Variants in PDXDC1 observed in about 807,000 individuals in gnomAD.
PDXDC1 encodes the protein pyridoxal dependent decarboxylase domain containing 1, also known as pyridoxal-dependent decarboxylase domain-containing protein 1.
A neutral mutation model predicts 100.1 loss-of-function variants in PDXDC1; 42 were observed. The observed-to-expected ratio is 0.42, with a 90% CI of 0.33 to 0.54. The LOEUF is 0.54. Ranked by LOEUF, PDXDC1 falls within the 20% of genes least tolerant of loss-of-function variation. The probability of loss-of-function intolerance (pLI) is 0.10; values close to 1 mark genes in which losing one functional copy is unlikely to be tolerated. For synonymous variants in PDXDC1, 260 were observed against 371.7 expected (o/e 0.70, Z 3.46); for missense variants, 636 against 979.2 (o/e 0.65, Z 4.68).
chr16:15,074,748 G>A (rs1405847977), intron 16 of PDXDC1: 7 of 1,613,936 alleles, frequency 4.3e-6, no homozygotes, highest in Admixed American at 1.7e-5. Context: ...CATCCTTCAT[G>A]TAGGACAAAA....
chr16:15,111,015 G>C lies in PDXDC1; in HGVS notation c.1400-27864G>C, dbSNP rs539423137. The stretch of plus-strand genomic sequence containing the variant: ...ATGGCAGTGGGCGCCTGTAATCCGA[G>C]CTACTCGGGAGGCTGAGGCAGAGAA... On this transcript the variant is annotated intron_variant, in intron 16 of 16. Transcript: ENST00000535621. Among the ~76,000 whole-genome samples, 12 of 148,684 alleles carry C rather than the reference G, an allele frequency of 8.1e-5. 1 individual carries two copies. Among genetic ancestry groups the C allele is most frequent in the Non-Finnish European group, 1.4e-4 (9 of 66,528 alleles).
chr16:15,087,916 A>G (rs545645654), intron 16 of PDXDC1, among the ~76,000 whole-genome samples: 1 of 152,134 alleles, frequency 6.6e-6, no homozygotes, highest in Non-Finnish European at 1.5e-5. Context: ...GGAGTTCGAG[A>G]TGAGCCTAAC....
In PDXDC1 at chr16:15,108,178, T is replaced by C. The variant is rs541928147; in HGVS notation, c.1400-30701T>C. 32 of 822,060 alleles carry C rather than the reference T, an allele frequency of 3.9e-5. No homozygotes were observed. The East Asian group carries it at 1.6e-3, about 40-fold the overall frequency. 50.9% of individuals were successfully genotyped at this position (822,060 alleles called of 1,614,324 possible). A position where few individuals can be genotyped will look rare whatever the true frequency, so the allele number is the denominator to read the frequency against. On this transcript the variant is annotated intron_variant, in intron 16 of 16. Coordinates refer to the PDXDC1 transcript ENST00000535621. Reference sequence around the variant, plus strand: ...TTTAACAAGGTTCAGTTCACAGAGATTGAGGGCAGAAAAAGGAAATGGCCT... The same window carrying C: ...TTTAACAAGGTTCAGTTCACAGAGACTGAGGGCAGAAAAAGGAAATGGCCT...
intron 3 of PDXDC1, among the ~76,000 whole-genome samples, chr16:14,999,437 C>T (rs1263449062): frequency 5.3e-5 from 8 of 152,002 alleles, no homozygotes; most frequent in East Asian, 3.9e-4. Context: ...AGCTAGGCAC[C>T]GTGGTGCACA....
chr16:15,103,625 T>C (rs1438022609), intron 16 of PDXDC1, among the ~76,000 whole-genome samples: 1 of 147,196 alleles, frequency 6.8e-6, no homozygotes, highest in Non-Finnish European at 1.5e-5. Context: ...TGCCTCAGCC[T>C]CCCAAGTGGC....
chr16:14,980,676 A>C (rs1967764789), intron 1 of PDXDC1, among the ~76,000 whole-genome samples: 1 of 152,360 alleles, frequency 6.6e-6, no homozygotes, highest in Non-Finnish European at 1.5e-5. Flanking sequence ...GGTTTCACCA[A>C]GTGTTAGCCA....
At chr16:15,045,269 C>T (rs945209334) in intron 16 of PDXDC1, 1 of 152,188 alleles carries the variant, frequency 6.6e-6, no homozygotes, top group Non-Finnish European at 1.5e-5. Context: ...TGCACTCCAG[C>T]TCTGGGCAAT....
At chr16:15,125,957 C>T (rs2047695890) in intron 16 of PDXDC1, 6 of 606,642 alleles carry the variant, frequency 9.9e-6, no homozygotes, top group Middle Eastern at 4.3e-4. Context: ...CTGCACCGTC[C>T]GTGATGGCAG....
chr16:15,097,831 C>G (rs1159055875), intron 16 of PDXDC1, among the ~76,000 whole-genome samples: 1 of 151,562 alleles, frequency 6.6e-6, no homozygotes, highest in Non-Finnish European at 1.5e-5. Flanking sequence ...GAATAATTAT[C>G]ATATTTATAC....
At chr16:15,038,398 G>GGACTT (rs1182045392), downstream of PDXDC1, 35 of 623,710 alleles carry the variant, frequency 5.6e-5, no homozygotes, top group Middle Eastern at 1.3e-3. Flanking sequence ...TTTCCATCTA[G>GGACTT]GACTTGACAT....
Position 15,033,547 on chromosome 16 carries a change from G to A in PDXDC1, c.1812+148G>A, listed in dbSNP as rs981965867. The A allele has an allele frequency of 3.2e-5, 30 of 924,646 alleles. No homozygotes were observed. The Admixed American group carries it at 3.9e-4, about 12-fold the overall frequency. 57.3% of individuals were successfully genotyped at this position (924,646 alleles called of 1,614,324 possible). A position where few individuals can be genotyped will look rare whatever the true frequency, so the allele number is the denominator to read the frequency against. On this transcript the variant is annotated intron_variant, in intron 19 of 22. Coordinates refer to ENST00000396410, the MANE Select transcript of PDXDC1 (RefSeq NM_015027.4). ...TTCCTGTAAGCTGGGCCTTGTGCCAGGTGTCAGAGATGCCAAGTAGGTTTG... is the reference window on the plus strand; with the variant it reads ...TTCCTGTAAGCTGGGCCTTGTGCCAAGTGTCAGAGATGCCAAGTAGGTTTG...
At chr16:15,114,392 ATTC>A (rs2047170042) in intron 16 of PDXDC1, 1 of 1,507,310 alleles carries the variant, frequency 6.6e-7, no homozygotes, top group Non-Finnish European at 8.9e-7. Context: ...CATATAATTT[ATTC>A]TTATTTGTGA....
At chr16:14,975,332 G>A (rs548994380) in intron 1 of PDXDC1, 112 bp downstream of exon 1, 1 of 1,350,016 alleles carries the variant, frequency 7.4e-7, no homozygotes, top group Non-Finnish European at 9.4e-7. Context: ...GGGGGACGCG[G>A]GCTGACAGGC....
At chr16:15,038,826 G>C (rs1031610311), downstream of PDXDC1, 5 of 583,156 alleles carry the variant, frequency 8.6e-6, no homozygotes, top group Non-Finnish European at 1.2e-5. Flanking sequence ...AATAACAAAA[G>C]CTGCCAGCTA....
intron 16 of PDXDC1, among the ~76,000 whole-genome samples, chr16:15,122,850 AGGGGAAGGGGG>A (rs1440642428): frequency 2.0e-4 from 4 of 19,534 alleles, no homozygotes; most frequent in African/African-American, 8.3e-4. Context: ...GGGGAAGGGG[AGGGGAAGGGGG>A]GAGTAAGGGA....
intron 1 of PDXDC1, among the ~76,000 whole-genome samples, chr16:14,992,880 G>A (rs1971152533): frequency 6.6e-6 from 1 of 151,278 alleles, no homozygotes; most frequent in South Asian, 2.1e-4. Context: ...TTGAGACAGG[G>A]TTTTACTCTG....
chr16:15,045,078 C>G (rs911280702), intron 16 of PDXDC1: 1 of 147,848 alleles, frequency 6.8e-6, no homozygotes, highest in Non-Finnish European at 1.5e-5. Flanking sequence ...GAGTCAAGAT[C>G]GTGCCACTGC....
At position 15,127,519 on chromosome 16, in the gene PDXDC1, T is replaced by C. The variant is rs775223591; in HGVS notation, c.1400-11360T>C. ...AAAGAGGATGGCCAGGTAGACGGGATAGACAACCACGCTGGACACCAGGCC... is the reference window on the plus strand; with the variant it reads ...AAAGAGGATGGCCAGGTAGACGGGACAGACAACCACGCTGGACACCAGGCC... On this transcript the variant is annotated intron_variant, in intron 16 of 16. Transcript: ENST00000535621. The C allele has an allele frequency of 2.6e-5, 40 of 1,528,796 alleles. No homozygotes were observed. The Middle Eastern group carries it at 6.9e-4, about 26-fold the overall frequency. The allele number at this position is 1,528,796 out of a possible 1,614,324, so 94.7% of individuals were successfully genotyped here.
intron 18 of PDXDC1, 44 bp downstream of exon 18, chr16:15,033,023 A>G (rs752928308): frequency 2.3e-5 from 28 of 1,234,910 alleles, no homozygotes; most frequent in Non-Finnish European, 2.6e-5. Flanking sequence ...TTGGAAGGAC[A>G]CTTGGTAACC....
Sources: allele counts gnomAD v4.1 joint callset (sites outside exome capture counted in the v4.1 genomes callset), GRCh38; gene constraint gnomAD v4.1.1; transcripts MANE v1.5; gene names NCBI Gene and HGNC (gene_info 2026-07-23, HGNC 2026-07-21).